The following DSG4 variants were observed in gnomAD, a reference collection of about 807,000 sequenced individuals.
DSG4 encodes desmoglein-4.
Under a neutral mutation model 93.1 loss-of-function variants are expected in DSG4, and 87 were observed. That is an observed-to-expected ratio of 0.93 (90% confidence interval 0.79 to 1.12). The LOEUF is 1.12. Ranked by LOEUF, DSG4 falls within the 50% of genes most tolerant of loss-of-function variation. DSG4 has a pLI of 0.00. For missense variants in DSG4, 1,373 were observed against 1,285.7 expected (o/e 1.07, Z -1.04); for synonymous variants, 432 against 452.9 (o/e 0.95, Z 0.59).
intron 12 of DSG4, among the ~76,000 whole-genome samples, chr18:31,406,588 G>A (rs2072430215): frequency 6.6e-6 from 1 of 151,924 alleles, no homozygotes; most frequent in Non-Finnish European, 1.5e-5. Context: ...CCTAAAAATG[G>A]GAAACACATG....
At chr18:31,392,730 T>C (rs928837254) in intron 8 of DSG4, among the ~76,000 whole-genome samples, 4 of 152,228 alleles carry the variant, frequency 2.6e-5, no homozygotes, top group African/African-American at 9.6e-5. Context: ...GAGATCCTTC[T>C]GAGCTAGATT....
intron 15 of DSG4, among the ~76,000 whole-genome samples, chr18:31,411,795 G>A (rs2072496838): frequency 6.6e-6 from 1 of 152,122 alleles, no homozygotes; most frequent in African/African-American, 2.4e-5. Context: ...GAAAAAAGGT[G>A]CATTTATGAC....
At position 31,413,401 on chromosome 18, in the gene DSG4, A is replaced by G. The variant is rs2072520100; in HGVS notation, c.2929A>G (p.Met977Val). ...RVLASPGVPD[M>V]SNSSTTEGCM... Reference sequence around the variant, plus strand: ...ACTGGCTAGTCCTGGTGTGCCTGACATGAGCAATAGTAGCACGACTGAGGG... The same window carrying G: ...ACTGGCTAGTCCTGGTGTGCCTGACGTGAGCAATAGTAGCACGACTGAGGG... Residue 977 changes from methionine (M) to valine (V), a missense_variant, in exon 16 of 16, where the codon ATG (methionine) becomes GTG (valine). Met to Val is a conservative substitution (Grantham distance 21, BLOSUM62 1). Transcript: ENST00000308128. The G allele has an allele frequency of 2.5e-6, 4 of 1,613,938 alleles. No homozygotes were observed. The highest frequency in any genetic ancestry group is 1.6e-4 in the Middle Eastern group (1 of 6,084).
At chr18:31,383,790 G>T (rs2072160208) in intron 1 of DSG4, among the ~76,000 whole-genome samples, 1 of 151,968 alleles carries the variant, frequency 6.6e-6, no homozygotes, top group Admixed American at 6.6e-5. Flanking sequence ...AATTATCTGG[G>T]GCACTAAACT....
intron 1 of DSG4, among the ~76,000 whole-genome samples, chr18:31,379,691 A>G (rs1402250545): frequency 3.3e-5 from 5 of 152,198 alleles, no homozygotes; most frequent in African/African-American, 1.2e-4. Context: ...TCTCATTGCA[A>G]GTTGAGAGCA....
At chr18:31,391,587 A>G (rs16961789) in intron 7 of DSG4, among the ~76,000 whole-genome samples, 10,219 of 151,898 alleles carry the variant, frequency 0.067, 1,111 homozygotes, top group African/African-American at 0.23. Flanking sequence ...CTCAACTTCC[A>G]TTTTCATCTC....
At chr18:31,382,963 C>T (rs1387335137) in intron 1 of DSG4, among the ~76,000 whole-genome samples, 2 of 152,132 alleles carry the variant, frequency 1.3e-5, no homozygotes, top group Admixed American at 1.3e-4. Flanking sequence ...AAGGATAAGA[C>T]CAAGGTAAAA....
rs2072526336 is a variant in DSG4 at position 31,413,744 on chromosome 18, T to G, written c.*149T>G. 2.7e-6 allele frequency: 3 copies of G among 1,099,836 alleles called. No individual in the cohort carries two copies. Among genetic ancestry groups the G allele is most frequent in the Non-Finnish European group, 3.9e-6 (3 of 767,218 alleles). The allele number at this position is 1,099,836 out of a possible 1,614,324, so 68.1% of individuals were successfully genotyped here. A position where few individuals can be genotyped will look rare whatever the true frequency, so the allele number is the denominator to read the frequency against. ...ATGCCATTATTTGATTATACCATTT[T>G]GAGGGTGAATATGGCTAGGCACTTT... On this transcript the variant is annotated 3_prime_UTR_variant, in exon 16 of 16. Coordinates refer to ENST00000308128, the MANE Select transcript of DSG4 (RefSeq NM_177986.5).
intron 4 of DSG4, 115 bp downstream of exon 4, chr18:31,388,637 A>T: frequency 1.4e-6 from 2 of 1,418,578 alleles, no homozygotes; most frequent in Non-Finnish European, 1.9e-6. Flanking sequence ...CTGAACCCAA[A>T]TAGAAGACTT....
rs547967931 is a variant in DSG4 at position 31,397,623 on chromosome 18, A to G, written c.1006-1649A>G. On this transcript the variant is annotated intron_variant, in intron 8 of 15. Coordinates refer to ENST00000308128, the MANE Select transcript of DSG4 (RefSeq NM_177986.5). ...TATACAACTTTAGACACATGTTGGT[A>G]TATTTTCATCACACTCTGTTCAATG... Among the ~76,000 whole-genome samples, 12 of 152,328 alleles carry G rather than the reference A, an allele frequency of 7.9e-5. No individual in the cohort carries two copies. The East Asian group carries it at 2.1e-3, about 27-fold the overall frequency.
In DSG4 at chr18:31,406,186, G is replaced by T. The variant is rs2072423602; in HGVS notation, c.1746G>T (p.Val582=). Residue 582 remains valine (V), a synonymous_variant, in exon 12 of 16, where the codon GTG becomes GTT. Transcript: ENST00000308128. ...YNRACELAQM[V]QLYACDCDDN... ...GAGCATGTGAATTGGCACAAATGGT[G>T]CAGTTATATGCCTGTGATTGCGATG... The T allele has an allele frequency of 6.2e-7, 1 of 1,614,136 alleles. No individual in the cohort carries two copies. Among genetic ancestry groups the T allele is most frequent in the African/African-American group, 1.3e-5 (1 of 75,020 alleles).
chr18:31,404,215 C>A (rs191214072), intron 11 of DSG4, among the ~76,000 whole-genome samples: 3 of 151,970 alleles, frequency 2.0e-5, no homozygotes, highest in Admixed American at 2.0e-4. Flanking sequence ...TAATATACAG[C>A]CATTAAAATT....
At chr18:31,399,608 A>AATATATG in intron 9 of DSG4, 65 bp downstream of exon 9, 1 of 1,602,958 alleles carries the variant, frequency 6.2e-7, no homozygotes, top group Non-Finnish European at 8.5e-7. Flanking sequence ...AGCATGCGCT[A>AATATATG]ATATATGTTG....
Position 31,388,921 on chromosome 18 carries a change from T to G in DSG4, c.420T>G (p.Pro140=). ...CACGGGGTGAAGATTTAGAAAGGCC[T>G]CTTGAGCTTAGAGTCAAAGTTATGG... is the stretch of plus-strand genomic sequence containing the variant. ...LNSRGEDLER[P]LELRVKVMDI... The change falls in exon 5 of 16, where the codon CCT becomes CCG. Residue 140 remains proline, a synonymous_variant. Transcript: ENST00000308128. The G allele has an allele frequency of 2.5e-6, 4 of 1,613,708 alleles. No homozygotes were observed. Among genetic ancestry groups the G allele is most frequent in the South Asian group, 1.1e-5 (1 of 91,064 alleles).
intron 7 of DSG4, among the ~76,000 whole-genome samples, chr18:31,391,733 A>G (rs1351618307): frequency 6.6e-6 from 1 of 152,098 alleles, no homozygotes; most frequent in Non-Finnish European, 1.5e-5. Flanking sequence ...ATGCCTTTAC[A>G]TATTGTCTAT....
chr18:31,396,585 A>G (rs1026954669), intron 8 of DSG4, among the ~76,000 whole-genome samples: 7 of 151,956 alleles, frequency 4.6e-5, no homozygotes, highest in African/African-American at 1.7e-4. Flanking sequence ...CAAACTCCTG[A>G]CCTCAAGTGA....
intron 11 of DSG4, among the ~76,000 whole-genome samples, chr18:31,403,940 A>G (rs1482159216): frequency 6.6e-6 from 1 of 152,240 alleles, no homozygotes; most frequent in Non-Finnish European, 1.5e-5. Context: ...TAAAATAAAC[A>G]GAACCCTTAA....
At position 31,411,420 on chromosome 18, in the gene DSG4, T is replaced by G. The variant is rs1322840638; in HGVS notation, c.2327T>G (p.Met776Arg). The stretch of plus-strand genomic sequence containing the variant: ...GACTACGCTGACGCAGACATCAACA[T>G]GGCTTTCTTGGACAGCTACTTCTCG... ...LRDYADADIN[M>R]AFLDSYFSEK... The change falls in exon 15 of 16, where the codon ATG becomes AGG. Residue 776 changes from methionine (M) to arginine (R), a missense_variant. Coordinates refer to ENST00000308128, the MANE Select transcript of DSG4 (RefSeq NM_177986.5). The G allele has an allele frequency of 6.2e-7, 1 of 1,613,806 alleles. No homozygotes were observed. Among genetic ancestry groups the G allele is most frequent in the Non-Finnish European group, 8.5e-7 (1 of 1,179,950 alleles).
chr18:31,387,073 G>T (rs1034007285), intron 3 of DSG4, among the ~76,000 whole-genome samples: 2 of 152,078 alleles, frequency 1.3e-5, no homozygotes, highest in African/African-American at 4.8e-5. Flanking sequence ...ATCCATTTGT[G>T]TACTGCTCAT....
Sources: allele counts gnomAD v4.1 joint callset (sites outside exome capture counted in the v4.1 genomes callset), GRCh38; gene constraint gnomAD v4.1.1; transcripts MANE v1.5; gene names NCBI Gene and HGNC (gene_info 2026-07-23, HGNC 2026-07-21).